Variants in ZBTB10 observed in about 807,000 individuals in gnomAD.
The protein encoded by ZBTB10 is zinc finger and BTB domain containing 10.
Under a neutral mutation model 76.4 loss-of-function variants are expected in ZBTB10, and 32 were observed. The ratio of observed to expected loss-of-function variants is 0.42; its 90% CI spans 0.32 to 0.56. The LOEUF is 0.56. Among genes scored for constraint, ZBTB10 ranks in the 20% least tolerant of loss-of-function variants. The pLI, the probability that ZBTB10 is intolerant of heterozygous loss-of-function variation, is 0.14. For missense variants in ZBTB10, 1,057 were observed against 1,098.5 expected (o/e 0.96, Z 0.53); for synonymous variants, 523 against 432.9 (o/e 1.21, Z -2.58).
At chr8:80,495,245 G>A (rs752789816) in intron 1 of ZBTB10, among the ~76,000 whole-genome samples, 13 of 151,522 alleles carry the variant, frequency 8.6e-5, no homozygotes, top group Non-Finnish European at 1.6e-4. Flanking sequence ...ATTACATGGC[G>A]CTCTTGTCAA....
Position 80,486,799 on chromosome 8 carries a change from G to A in ZBTB10, c.-12G>A. Reference sequence around the variant, plus strand: ...GCCGGGGCACCGGGCGGCGGCGGCGGCGGCGCGCGCCATGTCGTTCAGTGA... The same window carrying A: ...GCCGGGGCACCGGGCGGCGGCGGCGACGGCGCGCGCCATGTCGTTCAGTGA... On this transcript the variant is annotated 5_prime_UTR_variant, in exon 1 of 6. Transcript: ENST00000455036. The A allele has an allele frequency of 1.4e-6, 2 of 1,412,124 alleles. No individual in the cohort carries two copies. The highest frequency in any genetic ancestry group is 1.8e-6 in the Non-Finnish European group (2 of 1,088,046). The allele number at this position is 1,412,124 out of a possible 1,614,324, so 87.5% of individuals were successfully genotyped here. A position where few individuals can be genotyped will look rare whatever the true frequency, so the allele number is the denominator to read the frequency against.
rs896597656 is a variant in ZBTB10, at chr8:80,486,375, C to T, written c.-436C>T. ...CGGCGGCGGCGTCGGGACTCCTCGG[C>T]GCGCGGAGGAAGGATATCTGTGTGG... On this transcript the variant is annotated 5_prime_UTR_variant, in exon 1 of 6. Transcript: ENST00000455036. 355 of 988,522 alleles carry T rather than the reference C, an allele frequency of 3.6e-4. No homozygotes were observed. The highest frequency in any genetic ancestry group is 4.3e-4 in the Admixed American group (7 of 16,238). The allele number at this position is 988,522 out of a possible 1,614,324, so 61.2% of individuals were successfully genotyped here.
At chr8:80,486,162 C>G (rs1815442620), upstream of ZBTB10, 1 of 1,097,406 alleles carries the variant, frequency 9.1e-7, no homozygotes, top group South Asian at 2.3e-5. Flanking sequence ...GCCCGGCCCC[C>G]ACCCTTTCCC....
At chr8:80,502,156 T>C (rs1010646237) in intron 2 of ZBTB10, among the ~76,000 whole-genome samples, 6 of 152,230 alleles carry the variant, frequency 3.9e-5, no homozygotes, top group Non-Finnish European at 7.3e-5. Context: ...TTATCAAGTA[T>C]CTCCTAGCCA....
In ZBTB10 at chr8:80,517,279, A is replaced by T. The variant is rs576296648; in HGVS notation, c.1961-1124A>T. Among the ~76,000 whole-genome samples the T allele has an allele frequency of 7.2e-4, 110 of 152,312 alleles. 5 individuals carry two copies. The South Asian group carries it at 0.022, about 31-fold the overall frequency. On this transcript the variant is annotated intron_variant, in intron 3 of 5. Transcript: ENST00000455036. ...GAGACAAGTTTTTGGTGGCTACTGAAGACAGTCCAGGGGCTAGAGCTCATG... is the reference window on the plus strand; with the variant it reads ...GAGACAAGTTTTTGGTGGCTACTGATGACAGTCCAGGGGCTAGAGCTCATG...
At chr8:80,492,188 A>AT (rs796679230) in intron 1 of ZBTB10, among the ~76,000 whole-genome samples, 4 of 152,334 alleles carry the variant, frequency 2.6e-5, no homozygotes, top group African/African-American at 9.6e-5. Context: ...TACATTATTT[A>AT]TAATTTATTC....
At chr8:80,505,837 C>T (rs576380210) in intron 2 of ZBTB10, among the ~76,000 whole-genome samples, 4 of 151,852 alleles carry the variant, frequency 2.6e-5, no homozygotes, top group Admixed American at 1.3e-4. Context: ...TCATGTGATT[C>T]TCCCGCCTCA....
chr8:80,489,909 T>C (rs944186868), intron 1 of ZBTB10, among the ~76,000 whole-genome samples: 3 of 152,234 alleles, frequency 2.0e-5, no homozygotes, highest in Non-Finnish European at 2.9e-5. Flanking sequence ...TTTATTACTT[T>C]CATTATAACT....
rs1354823391 is a variant in ZBTB10 at position 80,486,480 on chromosome 8, C to T, written c.-331C>T. The T allele has an allele frequency of 9.1e-6, 9 of 985,164 alleles. No individual in the cohort carries two copies. The highest frequency in any genetic ancestry group is 8.7e-5 in the African/African-American group (5 of 57,188). 61.0% of individuals were successfully genotyped at this position (985,164 alleles called of 1,614,324 possible). A position where few individuals can be genotyped will look rare whatever the true frequency, so the allele number is the denominator to read the frequency against. On this transcript the variant is annotated 5_prime_UTR_variant, in exon 1 of 6. Transcript: ENST00000455036. ...GCACTCCGCTGCTCAACTTCGAAGG[C>T]CTCGCTCGCTGCAGGCTCGCTCCTC...
intron 3 of ZBTB10, among the ~76,000 whole-genome samples, chr8:80,515,269 A>G (rs1356034198): frequency 6.6e-6 from 1 of 152,198 alleles, no homozygotes; most frequent in Non-Finnish European, 1.5e-5. Context: ...TTTGTTGAAG[A>G]TAGATATGGA....
At chr8:80,493,193 A>ACACGCG (rs1554551207) in intron 1 of ZBTB10, among the ~76,000 whole-genome samples, 5 of 124,444 alleles carry the variant, frequency 4.0e-5, no homozygotes, top group African/African-American at 6.5e-5. Flanking sequence ...GTGCCTCAAA[A>ACACGCG]CGCGCGCGCG....
chr8:80,490,767 A>G (rs547718992), intron 1 of ZBTB10, among the ~76,000 whole-genome samples: 42 of 152,276 alleles, frequency 2.8e-4, no homozygotes, highest in African/African-American at 8.2e-4. Flanking sequence ...TATTTTCCCA[A>G]TTATTTCTCA....
At chr8:80,504,395 A>G (rs1390590038) in intron 2 of ZBTB10, among the ~76,000 whole-genome samples, 4 of 152,216 alleles carry the variant, frequency 2.6e-5, no homozygotes, top group Non-Finnish European at 2.9e-5. Flanking sequence ...TGTAAGATAC[A>G]GTTCTAATAA....
At chr8:80,485,661 T>C, upstream of ZBTB10, 1 of 771,576 alleles carries the variant, frequency 1.3e-6, no homozygotes, top group Non-Finnish European at 2.0e-6. Flanking sequence ...CCTCGCACAA[T>C]GCATCAAAGG....
At chr8:80,497,927 C>CT (rs1450702289) in intron 1 of ZBTB10, among the ~76,000 whole-genome samples, 1 of 152,040 alleles carries the variant, frequency 6.6e-6, no homozygotes, top group African/African-American at 2.4e-5. Context: ...CCTTTCAGTG[C>CT]TGGGATTACA....
intron 3 of ZBTB10, among the ~76,000 whole-genome samples, chr8:80,516,693 A>C (rs1296398065): frequency 2.6e-5 from 4 of 152,252 alleles, no homozygotes; most frequent in African/African-American, 9.6e-5. Context: ...TTCCAAGTAC[A>C]GCACAGTTTA....
chr8:80,494,121 C>G (rs1449217689), intron 1 of ZBTB10, among the ~76,000 whole-genome samples: 1 of 152,002 alleles, frequency 6.6e-6, no homozygotes, highest in Non-Finnish European at 1.5e-5. Flanking sequence ...TGTTTTTGTT[C>G]TTTCAGTATA....
chr8:80,495,294 A>T (rs1815753943), intron 1 of ZBTB10, among the ~76,000 whole-genome samples: 1 of 152,116 alleles, frequency 6.6e-6, no homozygotes, highest in East Asian at 1.9e-4. Flanking sequence ...GCCCAAGTGC[A>T]TATTTGCATT....
At chr8:80,511,643 A>G (rs911612382) in intron 2 of ZBTB10, among the ~76,000 whole-genome samples, 5 of 152,186 alleles carry the variant, frequency 3.3e-5, no homozygotes, top group African/African-American at 4.8e-5. Context: ...TGCCTGGCCA[A>G]TTTTATTTTT....
Sources: gnomAD v4.1 joint callset for allele counts (sites outside exome capture counted in the v4.1 genomes callset) on GRCh38, gnomAD v4.1.1 for gene constraint, MANE v1.5 for transcripts, NCBI Gene and HGNC (gene_info 2026-07-23, HGNC 2026-07-21) for gene names.